Variants in CHRNA7 observed in about 807,000 individuals in gnomAD.
The protein encoded by CHRNA7 is neuronal acetylcholine receptor subunit alpha-7.
Under a neutral mutation model 48.0 loss-of-function variants are expected in CHRNA7, and 17 were observed. The ratio of observed to expected loss-of-function variants is 0.35; its 90% CI spans 0.24 to 0.53. The LOEUF is 0.53. CHRNA7 is among the 20% of genes least tolerant of loss of function. The pLI is 0.92. For missense variants in CHRNA7, 155 were observed against 577.7 expected, an observed-to-expected ratio of 0.27 and a Z score of 7.50; for synonymous variants, 75 against 242.3, an observed-to-expected ratio of 0.31 and a Z score of 6.41.
At chr15:32,152,478 A>G (rs533403398) in intron 4 of CHRNA7, among the ~76,000 whole-genome samples, 49 of 152,296 alleles carry the variant, frequency 3.2e-4, no homozygotes, top group African/African-American at 1.1e-3. Flanking sequence ...GCAGGGACAC[A>G]GGGAGGCACC....
intron 4 of CHRNA7, among the ~76,000 whole-genome samples, chr15:32,144,553 A>G (rs1327732446): frequency 6.6e-6 from 1 of 152,226 alleles, no homozygotes; most frequent in African/African-American, 2.4e-5. Context: ...CAGGTACACC[A>G]ATCAAACATA....
intron 2 of CHRNA7, among the ~76,000 whole-genome samples, chr15:32,071,910 G>T (rs778233821): frequency 6.6e-6 from 1 of 152,012 alleles, no homozygotes; most frequent in Non-Finnish European, 1.5e-5. Flanking sequence ...TGGTACTGAG[G>T]AGTGGGGTGT....
At position 32,142,424 on chromosome 15, in the gene CHRNA7, G is replaced by T. The variant is rs573646279; in HGVS notation, c.351-11483G>T. 2.9e-4 allele frequency among the ~76,000 whole-genome samples: 44 copies of T among 152,302 alleles called. No individual in the cohort carries two copies. In the South Asian group the frequency reaches 8.9e-3, roughly 31 times the overall value. Reference sequence around the variant, plus strand: ...TGCCCAGCTTTGGTATCAGGATGATGCTGGCCTAATAAAATGAGTTAGGGA... The same window carrying T: ...TGCCCAGCTTTGGTATCAGGATGATTCTGGCCTAATAAAATGAGTTAGGGA... On this transcript the variant is annotated intron_variant, in intron 4 of 9. Transcript: ENST00000306901.
At chr15:32,049,025 G>GTCTGAAAGACAGTTTGTTATGTTT (rs1457140245) in intron 2 of CHRNA7, among the ~76,000 whole-genome samples, 1 of 102,042 alleles carries the variant, frequency 9.8e-6, no homozygotes. Flanking sequence ...TTGCACTGTG[G>GTCTGAAAGACAGTTTGTTATGTTT]TCTGTTCTTT....
At chr15:32,145,449 C>T (rs1274413800) in intron 4 of CHRNA7, among the ~76,000 whole-genome samples, 1 of 152,218 alleles carries the variant, frequency 6.6e-6, no homozygotes, top group African/African-American at 2.4e-5. Flanking sequence ...GTGCTCTCTT[C>T]AGAGGTGTCA....
In CHRNA7 at chr15:32,079,796, A is replaced by G. The variant is rs565354290; in HGVS notation, c.196-21507A>G. 4.9e-4 allele frequency among the ~76,000 whole-genome samples: 75 copies of G among 151,948 alleles called. 1 individual carries two copies. In the South Asian group the frequency reaches 0.015, roughly 31 times the overall value. On this transcript the variant is annotated intron_variant, in intron 2 of 9. Transcript: ENST00000306901. ...TCACAAAATTAGAAAAAAAAAAACTACTTTAAAATTCATATTGAACCAAAA... is the reference window on the plus strand; with the variant it reads ...TCACAAAATTAGAAAAAAAAAAACTGCTTTAAAATTCATATTGAACCAAAA...
chr15:32,112,465 G>T (rs2050778967), intron 4 of CHRNA7: 1 of 406,932 alleles, frequency 2.5e-6, no homozygotes, highest in East Asian at 7.2e-5. Context: ...GGAAATAAGG[G>T]ACACGTCGGT....
intron 2 of CHRNA7, among the ~76,000 whole-genome samples, chr15:32,084,051 G>T (rs965729064): frequency 2.6e-5 from 4 of 152,158 alleles, no homozygotes; most frequent in African/African-American, 9.7e-5. Flanking sequence ...AACTCTGTTT[G>T]ATTAATTAGA....
At chr15:32,074,916 T>A (rs1327385086) in intron 2 of CHRNA7, among the ~76,000 whole-genome samples, 2 of 152,140 alleles carry the variant, frequency 1.3e-5, no homozygotes, top group Non-Finnish European at 2.9e-5. Flanking sequence ...CCCAAAGTGC[T>A]AGGATTACAG....
At chr15:32,065,781 C>T (rs1057266688) in intron 2 of CHRNA7, among the ~76,000 whole-genome samples, 7 of 152,088 alleles carry the variant, frequency 4.6e-5, no homozygotes, top group Admixed American at 1.3e-4. Flanking sequence ...GGGGGCAGAG[C>T]TGTCAGCTGC....
chr15:32,054,537 C>G (rs1345411173), intron 2 of CHRNA7, among the ~76,000 whole-genome samples: 1 of 152,120 alleles, frequency 6.6e-6, no homozygotes, highest in Admixed American at 6.5e-5. Flanking sequence ...CAAAGTGAAC[C>G]CCGTTAAGCT....
intron 3 of CHRNA7, among the ~76,000 whole-genome samples, chr15:32,108,471 AC>A (rs1157636995): frequency 6.6e-6 from 1 of 152,202 alleles, no homozygotes. Context: ...TTCCCGAGGG[AC>A]CTAGGAACCA....
At chr15:32,139,948 T>A (rs1400354037) in intron 4 of CHRNA7, among the ~76,000 whole-genome samples, 3 of 152,142 alleles carry the variant, frequency 2.0e-5, no homozygotes, top group Non-Finnish European at 4.4e-5. Flanking sequence ...ATACTTTAAG[T>A]TATAGGGTAC....
chr15:32,081,437 A>G (rs2050214048), intron 2 of CHRNA7, among the ~76,000 whole-genome samples: 2 of 152,042 alleles, frequency 1.3e-5, no homozygotes, highest in South Asian at 2.1e-4. Flanking sequence ...CTGCTTTCCT[A>G]TAGGCTATTT....
chr15:32,089,074 C>T (rs2050343156), intron 2 of CHRNA7, among the ~76,000 whole-genome samples: 1 of 151,988 alleles, frequency 6.6e-6, no homozygotes, highest in African/African-American at 2.4e-5. Flanking sequence ...GCTTATGATC[C>T]ATTTTGATTT....
At chr15:32,034,362 T>G (rs1254174163) in intron 2 of CHRNA7, among the ~76,000 whole-genome samples, 1 of 152,230 alleles carries the variant, frequency 6.6e-6, no homozygotes, top group Non-Finnish European at 1.5e-5. Context: ...AGAAAATTTA[T>G]GCTATGTTTT....
intron 2 of CHRNA7, among the ~76,000 whole-genome samples, chr15:32,070,501 C>T (rs8027035): frequency 0.8 from 121,923 of 151,804 alleles, 50,444 homozygotes; most frequent in Non-Finnish European, 0.91. Flanking sequence ...TATTTTTCTT[C>T]TACAGCTCAT....
At chr15:32,039,000 G>A (rs2049401101) in intron 2 of CHRNA7, among the ~76,000 whole-genome samples, 1 of 152,096 alleles carries the variant, frequency 6.6e-6, no homozygotes, top group African/African-American at 2.4e-5. Context: ...GAGAAATTTT[G>A]TCTTTCAAGG....
At position 32,118,172 on chromosome 15, in the gene CHRNA7, C is replaced by T. The variant is rs538669734; in HGVS notation, c.350+6273C>T. Among the ~76,000 whole-genome samples, 14 of 152,254 alleles carry T rather than the reference C, an allele frequency of 9.2e-5. No homozygotes were observed. The South Asian group carries it at 2.7e-3, about 29-fold the overall frequency. On this transcript the variant is annotated intron_variant, in intron 4 of 9. Coordinates refer to ENST00000306901, the MANE Select transcript of CHRNA7 (RefSeq NM_000746.6). ...GGCCTGAGCCAGCACCTTCAGGCCCCTCCCCATGCGATGCCTGGTACCACC... is the reference window on the plus strand; with the variant it reads ...GGCCTGAGCCAGCACCTTCAGGCCCTTCCCCATGCGATGCCTGGTACCACC...
Sources: gnomAD v4.1 joint callset for allele counts (sites outside exome capture counted in the v4.1 genomes callset) on GRCh38, gnomAD v4.1.1 for gene constraint, MANE v1.5 for transcripts, NCBI Gene and HGNC (gene_info 2026-07-23, HGNC 2026-07-21) for gene names.